Variants in RBFOX3 observed in about 807,000 individuals in gnomAD.
RBFOX3 encodes the protein RNA binding fox-1 homolog 3, also known as RNA binding protein fox-1 homolog 3.
In RBFOX3, 17 loss-of-function variants were observed where a neutral mutation model predicts 48.7. That is an observed-to-expected ratio of 0.35 (90% CI 0.24 to 0.52). RBFOX3 has a LOEUF of 0.52. Among genes scored for constraint, RBFOX3 ranks in the 20% least tolerant of loss-of-function variants. The pLI is 0.94. For missense variants in RBFOX3, 382 were observed against 497.5 expected, an observed-to-expected ratio of 0.77 and a Z score of 2.21; for synonymous variants, 212 against 209.5, an observed-to-expected ratio of 1.01 and a Z score of -0.10.
At chr17:79,410,473 G>A (rs561756821) in intron 2 of RBFOX3, among the ~76,000 whole-genome samples, 1 of 152,144 alleles carries the variant, frequency 6.6e-6, no homozygotes, top group Admixed American at 6.5e-5. Flanking sequence ...CCCAGGTAGG[G>A]AGTTTATCAG....
At position 79,198,429 on chromosome 17, in the gene RBFOX3, C is replaced by T. The variant is rs115935969; in HGVS notation, c.-34+37337G>A. ...CAGTGGAACGCTGGCATCTGTGTCC[C>T]GCCTGCCAGCTCATGGAGAAAGTTC... is the stretch of plus-strand genomic sequence containing the variant. On this transcript the variant is annotated intron_variant, in intron 4 of 14. Transcript: ENST00000693108. The surrounding 1 kb of genome is among the most constrained non-coding windows in gnomAD (Gnocchi z 8.2). Among the ~76,000 whole-genome samples, 110 of 152,300 alleles carry T rather than the reference C, an allele frequency of 7.2e-4. No individual in the cohort carries two copies. Among genetic ancestry groups the T allele is most frequent in the African/African-American group, 1.3e-3 (53 of 41,554 alleles).
rs550736634 is a variant in RBFOX3, at chr17:79,284,969, C to T, written c.-74+22755G>A. ...GAAGGGCAGACACAGAAGTAGACCT[C>T]GCTTTGTAAATGGTCATGGATTCAA... On this transcript the variant is annotated intron_variant, in intron 3 of 14. Coordinates refer to ENST00000693108, the MANE Select transcript of RBFOX3 (RefSeq NM_001350451.2). 5.9e-5 allele frequency among the ~76,000 whole-genome samples: 9 copies of T among 152,276 alleles called. No individual in the cohort carries two copies. In the East Asian group the frequency reaches 1.5e-3, roughly 26 times the overall value.
the RBFOX3 span, among the ~76,000 whole-genome samples, chr17:79,651,323 G>A: frequency 6.6e-6 from 1 of 152,152 alleles, no homozygotes; most frequent in Non-Finnish European, 1.5e-5. Flanking sequence ...TAAACATAAG[G>A]GGAAAGACAG....
chr17:79,129,060 C>T (rs2038089434), intron 4 of RBFOX3, among the ~76,000 whole-genome samples: 1 of 152,066 alleles, frequency 6.6e-6, no homozygotes, highest in East Asian at 1.9e-4. Flanking sequence ...CTTGTGCTTC[C>T]ATCACTGAGT....
At position 79,390,568 on chromosome 17, in the gene RBFOX3, C is replaced by G. The variant is rs2061262987; in HGVS notation, c.-174-82744G>C. ...TCTCGGCTCACTACAACGTCTGCCT[C>G]TCAGGTTCAAGTGATTCTCCTGCCT... On this transcript the variant is annotated intron_variant, in intron 2 of 14. Coordinates refer to ENST00000693108, the MANE Select transcript of RBFOX3 (RefSeq NM_001350451.2). The surrounding 1 kb of genome is among the most constrained non-coding windows in gnomAD (Gnocchi z 4.2). Among the ~76,000 whole-genome samples the G allele has an allele frequency of 6.6e-6, 1 of 151,768 alleles. No individual in the cohort carries two copies. Among genetic ancestry groups the G allele is most frequent in the African/African-American group, 2.4e-5 (1 of 41,278 alleles).
intron 1 of RBFOX3, among the ~76,000 whole-genome samples, chr17:79,497,775 C>G (rs1567830): frequency 0.27 from 41,112 of 152,144 alleles, 5,883 homozygotes; most frequent in African/African-American, 0.35. Flanking sequence ...CAGATGGGCA[C>G]GGCCAAAGCT....
chr17:79,414,503 C>T (rs955088274), intron 2 of RBFOX3, among the ~76,000 whole-genome samples: 2 of 152,222 alleles, frequency 1.3e-5, no homozygotes, highest in Admixed American at 1.3e-4. Flanking sequence ...GTCCAGGCCC[C>T]AGGGCGAAAG....
At chr17:79,235,891 A>G (rs2061571944) in intron 3 of RBFOX3, 86 bp from the exon 4 acceptor site, 1 of 153,508 alleles carries the variant, frequency 6.5e-6, no homozygotes, top group Non-Finnish European at 1.5e-5. Context: ...CTATTTGCTC[A>G]TCGACTAGGG....
At chr17:79,559,396 G>A (rs2092019601) in intron 1 of RBFOX3, among the ~76,000 whole-genome samples, 1 of 151,070 alleles carries the variant, frequency 6.6e-6, no homozygotes, top group Non-Finnish European at 1.5e-5. Context: ...GGGTGGATAA[G>A]TGAATGGGTG....
intron 4 of RBFOX3, among the ~76,000 whole-genome samples, chr17:79,211,404 G>T (rs1359063313): frequency 6.6e-6 from 1 of 152,246 alleles, no homozygotes; most frequent in African/African-American, 2.4e-5. Context: ...AGCCACAGCA[G>T]GCAGGAAGAT....
chr17:79,344,357 C>A (rs1025105000), intron 2 of RBFOX3, among the ~76,000 whole-genome samples: 1 of 152,084 alleles, frequency 6.6e-6, no homozygotes, highest in Non-Finnish European at 1.5e-5. Context: ...AAGGCTCTAC[C>A]ATTCCCGAGA....
chr17:79,439,302 G>C (rs557072904), intron 2 of RBFOX3, among the ~76,000 whole-genome samples: 8 of 152,352 alleles, frequency 5.3e-5, no homozygotes, highest in Non-Finnish European at 1.0e-4. Context: ...TGCCCATGCA[G>C]TGGATATAGT....
intron 1 of RBFOX3, among the ~76,000 whole-genome samples, chr17:79,544,916 A>T (rs1369424718): frequency 6.6e-6 from 1 of 151,462 alleles, no homozygotes; most frequent in East Asian, 1.9e-4. Context: ...GCAGCAAGGG[A>T]TAAAAAATAA....
intron 2 of RBFOX3, among the ~76,000 whole-genome samples, chr17:79,478,388 C>T (rs1009179133): frequency 6.6e-6 from 1 of 152,204 alleles, no homozygotes; most frequent in East Asian, 1.9e-4. Context: ...ATGGCGTGTG[C>T]GGCAGCTCCC....
At chr17:79,563,698 C>A (rs2092344940) in intron 1 of RBFOX3, among the ~76,000 whole-genome samples, 2 of 152,310 alleles carry the variant, frequency 1.3e-5, no homozygotes, top group Admixed American at 6.5e-5. Flanking sequence ...TTGGCACATT[C>A]TTTTCCTTTG....
intron 2 of RBFOX3, among the ~76,000 whole-genome samples, chr17:79,320,686 C>T (rs140157141): frequency 1.2e-4 from 19 of 152,152 alleles, no homozygotes; most frequent in East Asian, 5.8e-4. Flanking sequence ...ACCCTCTGGG[C>T]GTTGCCAATA....
At position 79,362,737 on chromosome 17, in the gene RBFOX3, G is replaced by A. The variant is rs1000687975; in HGVS notation, c.-174-54913C>T. 1.3e-5 allele frequency among the ~76,000 whole-genome samples: 2 copies of A among 152,188 alleles called. No homozygotes were observed. Among genetic ancestry groups the A allele is most frequent in the African/African-American group, 4.8e-5 (2 of 41,448 alleles). ...CTGCACAGGCTCATTAGAGACCATG[G>A]GATGGGGCCTCCGAGGAGCTCTGGG... On this transcript the variant is annotated intron_variant, in intron 2 of 14. Transcript: ENST00000693108. The surrounding 1 kb of genome is among the most constrained non-coding windows in gnomAD (Gnocchi z 4.2).
chr17:79,453,357 T>A (rs1555742826), intron 2 of RBFOX3, among the ~76,000 whole-genome samples: 1 of 152,158 alleles, frequency 6.6e-6, no homozygotes, highest in Non-Finnish European at 1.5e-5. Context: ...CCATAGAAGC[T>A]GGGGCGTCGC....
At chr17:79,312,674 C>A (rs573850969) in intron 2 of RBFOX3, among the ~76,000 whole-genome samples, 1 of 152,222 alleles carries the variant, frequency 6.6e-6, no homozygotes, top group South Asian at 2.1e-4. Context: ...AGACTCAGGC[C>A]CAGGAAACCC....
Sources: gnomAD v4.1 joint callset for allele counts (sites outside exome capture counted in the v4.1 genomes callset) on GRCh38, gnomAD v4.1.1 for gene constraint, Gnocchi (gnomAD v3.1) non-coding constraint, MANE v1.5 for transcripts, NCBI Gene and HGNC (gene_info 2026-07-23, HGNC 2026-07-21) for gene names.